OPRK1: variants seen among roughly 807,000 people sequenced by gnomAD.
OPRK1 encodes the protein kappa-type opioid receptor.
In OPRK1, 15 loss-of-function variants were observed where a neutral mutation model predicts 24.5. The ratio of observed to expected loss-of-function variants is 0.61; its 90% confidence interval spans 0.41 to 0.94. The LOEUF (loss-of-function observed/expected upper bound fraction) is 0.94. Ranked by LOEUF, OPRK1 falls within the 40% of genes least tolerant of loss-of-function variation. The probability of loss-of-function intolerance (pLI) is 0.00; values close to 1 mark genes in which losing one functional copy is unlikely to be tolerated. For missense variants in OPRK1, 479 were observed against 507.3 expected (o/e 0.94, Z 0.54); for synonymous variants, 205 against 198.0 (o/e 1.04, Z -0.30).
In OPRK1 at chr8:53,250,870, C is replaced by A. The variant is rs749297710; in HGVS notation, c.168G>T (p.Pro56=). ...DAQLEPAHIS[P]AIPVIITAVY... The stretch of plus-strand genomic sequence containing the variant: ...CCGCCGTGATGATGACCGGGATGGC[C>A]GGGGAGATGTGCGCGGGCTCCAGCT... Residue 56 remains proline (P), a synonymous_variant, in exon 2 of 4, where the codon CCG becomes CCT. Transcript: ENST00000265572. The A allele has an allele frequency of 3.7e-6, 6 of 1,613,324 alleles. No homozygotes were observed. The South Asian group carries it at 6.6e-5, about 18-fold the overall frequency.
At chr8:53,232,058 C>T (rs537113594) in intron 3 of OPRK1, among the ~76,000 whole-genome samples, 3 of 152,208 alleles carry the variant, frequency 2.0e-5, no homozygotes, top group South Asian at 2.1e-4. Context: ...GAATTTGTAG[C>T]GTAAAGAGAG....
chr8:53,235,371 G>A (rs1440217888), intron 2 of OPRK1, among the ~76,000 whole-genome samples: 2 of 152,174 alleles, frequency 1.3e-5, no homozygotes, highest in African/African-American at 4.8e-5. Flanking sequence ...AGAGATAGAT[G>A]AATAGACATA....
At position 53,228,072 on chromosome 8, in the gene OPRK1, G is replaced by C. The variant is rs1036495971; in HGVS notation, c.*1225C>G. 6.6e-6 allele frequency: 1 copy of C among 152,184 alleles called. No homozygotes were observed. The highest frequency in any genetic ancestry group is 2.4e-5 in the African/African-American group (1 of 41,440). The allele number at this position is 152,184 out of a possible 1,614,324, so 9.4% of individuals were successfully genotyped here. ...ATCCTCAGCAGGTATGCCCTTCACA[G>C]AATGCCATGCAGGATGTGTCCTGGC... On this transcript the variant is annotated 3_prime_UTR_variant, in exon 4 of 4. Transcript: ENST00000265572.
Position 53,245,152 on chromosome 8 carries a change from T to C in OPRK1, c.257+5629A>G, listed in dbSNP as rs1807201037. ...TTAAAAAAACAACATTTTTCAGCCA[T>C]GGTTGGTTGAATCCATGGATGCAGA... On this transcript the variant is annotated intron_variant, in intron 2 of 3. Coordinates refer to ENST00000265572, the MANE Select transcript of OPRK1 (RefSeq NM_000912.5). 2.0e-5 allele frequency among the ~76,000 whole-genome samples: 3 copies of C among 152,184 alleles called. No individual in the cohort carries two copies. The South Asian group carries it at 6.2e-4, about 32-fold the overall frequency.
At chr8:53,250,265 G>C (rs559480086) in intron 2 of OPRK1, among the ~76,000 whole-genome samples, 2 of 152,318 alleles carry the variant, frequency 1.3e-5, no homozygotes, top group Non-Finnish European at 2.9e-5. Flanking sequence ...CAACGCTAGA[G>C]CATATATCAG....
In OPRK1 at chr8:53,234,988, C is replaced by T; in HGVS notation, c.381G>A (p.Gly127=). The change falls in exon 3 of 4, where the codon GGG becomes GGA. Residue 127 remains glycine, a synonymous_variant. Transcript: ENST00000265572. ...AAATTACTATCTTGCACAGCACATC[C>T]CCAAAAGGCCAGGAATTCATCAAGT... The part of the protein sequence containing the change: ...TVYLMNSWPF[G]DVLCKIVISI... The T allele has an allele frequency of 6.2e-7, 1 of 1,614,120 alleles. No individual in the cohort carries two copies. Among genetic ancestry groups the T allele is most frequent in the South Asian group, 1.1e-5 (1 of 91,076 alleles).
chr8:53,251,277 G>A, intron 1 of OPRK1, 171 bp downstream of exon 1: 1 of 589,352 alleles, frequency 1.7e-6, no homozygotes, highest in Non-Finnish European at 2.8e-6. Flanking sequence ...GAGGGGCGAA[G>A]AGCGCTCGCT....
chr8:53,242,823 TCCAAGG>T, intron 2 of OPRK1: 4 of 1,259,514 alleles, frequency 3.2e-6, no homozygotes, highest in Non-Finnish European at 4.1e-6. Flanking sequence ...CCATTCTTAA[TCCAAGG>T]CTTCCCTGCC....
At chr8:53,240,656 G>T (rs2128809417) in intron 2 of OPRK1, among the ~76,000 whole-genome samples, 1 of 152,120 alleles carries the variant, frequency 6.6e-6, no homozygotes, top group East Asian at 1.9e-4. Flanking sequence ...TGGCATTCTA[G>T]ATTTTATGTG....
At chr8:53,235,193 T>A in intron 2 of OPRK1, 82 bp from the exon 3 acceptor site, 1 of 1,198,546 alleles carries the variant, frequency 8.3e-7, no homozygotes. Flanking sequence ...AGCCTTTGGA[T>A]TACTGATTTT....
chr8:53,226,564 A>G lies in OPRK1; in HGVS notation c.*2733T>C, dbSNP rs963639547. The stretch of plus-strand genomic sequence containing the variant: ...CAGAGAATAGGAACATCAAGAAATG[A>G]GAGATATCAGAGAGCCAGAGGGGTT... On this transcript the variant is annotated 3_prime_UTR_variant, in exon 4 of 4. Transcript: ENST00000265572. 1 of 107,106 alleles carries G rather than the reference A, an allele frequency of 9.3e-6. No individual in the cohort carries two copies. Among genetic ancestry groups the G allele is most frequent in the African/African-American group, 5.0e-5 (1 of 19,822 alleles). 6.6% of individuals were successfully genotyped at this position (107,106 alleles called of 1,614,324 possible). A position where few individuals can be genotyped will look rare whatever the true frequency, so the allele number is the denominator to read the frequency against.
chr8:53,242,095 C>G (rs1025562534), intron 2 of OPRK1, among the ~76,000 whole-genome samples: 1 of 152,192 alleles, frequency 6.6e-6, no homozygotes, highest in South Asian at 2.1e-4. Context: ...GGATGCCTAG[C>G]GGTATATGGA....
At chr8:53,251,279 G>A in intron 1 of OPRK1, 169 bp downstream of exon 1, 1 of 582,542 alleles carries the variant, frequency 1.7e-6, no homozygotes, top group Non-Finnish European at 2.8e-6. Flanking sequence ...GGGGCGAAGA[G>A]CGCTCGCTCC....
intron 2 of OPRK1, among the ~76,000 whole-genome samples, chr8:53,250,021 A>G (rs1292549311): frequency 1.3e-5 from 2 of 152,012 alleles, no homozygotes; most frequent in African/African-American, 4.8e-5. Context: ...ATTAGCATAT[A>G]TGTGGATATT....
chr8:53,247,645 AT>A (rs1807263416), intron 2 of OPRK1, among the ~76,000 whole-genome samples: 1 of 147,356 alleles, frequency 6.8e-6, no homozygotes, highest in Admixed American at 6.8e-5. Context: ...TTAATGAAAA[AT>A]GAAGACTGCA....
In OPRK1 at chr8:53,239,458, A is replaced by G. The variant is rs1227546665; in HGVS notation, c.258-4347T>C. ...TCTGGCTAGTGTCTTATTCAGAGTC[A>G]ATGAGGAAATGGATTTCCTGGTTCA... On this transcript the variant is annotated intron_variant, in intron 2 of 3. Transcript: ENST00000265572. Among the ~76,000 whole-genome samples the G allele has an allele frequency of 3.3e-5, 5 of 152,354 alleles. No homozygotes were observed. In the East Asian group the frequency reaches 9.6e-4, roughly 29 times the overall value.
chr8:53,229,821 C>A lies in OPRK1; in HGVS notation c.619G>T (p.Val207Phe). The change falls in exon 4 of 4, where the codon GTC (valine) becomes TTC (phenylalanine). Residue 207 changes from valine to phenylalanine, a missense_variant. Transcript: ENST00000265572. The part of the protein sequence containing the change: ...GGTKVREDVD[V>F]IECSLQFPDD... The stretch of plus-strand genomic sequence containing the variant: ...GGGAACTGCAAGGAGCACTCAATGA[C>A]ATCGACGTCTGGAGGAGGGCAATAA... 6.4e-7 allele frequency: 1 copy of A among 1,555,730 alleles called. No individual in the cohort carries two copies. Among genetic ancestry groups the A allele is most frequent in the Non-Finnish European group, 8.7e-7 (1 of 1,151,682 alleles).
intron 2 of OPRK1, among the ~76,000 whole-genome samples, chr8:53,246,136 A>G (rs1807222202): frequency 6.6e-6 from 1 of 152,186 alleles, no homozygotes; most frequent in Non-Finnish European, 1.5e-5. Context: ...ACCTCAGAGG[A>G]AGGGCAATCT....
At chr8:53,243,016 C>T in intron 2 of OPRK1, 1 of 1,190,122 alleles carries the variant, frequency 8.4e-7, no homozygotes, top group African/African-American at 1.6e-5. Flanking sequence ...AAGACATAAA[C>T]CAGCACCCCC....
Sources: gnomAD v4.1 joint callset for allele counts (sites outside exome capture counted in the v4.1 genomes callset) on GRCh38, gnomAD v4.1.1 for gene constraint, MANE v1.5 for transcripts, NCBI Gene and HGNC (gene_info 2026-07-23, HGNC 2026-07-21) for gene names.